The following RIT2 variants were observed in gnomAD, a reference collection of about 807,000 sequenced individuals.
RIT2 encodes GTP-binding protein Rit2.
In RIT2, 24 loss-of-function variants were observed where a neutral mutation model predicts 23.7. The ratio of observed to expected loss-of-function variants is 1.01; its 90% CI spans 0.73 to 1.43. RIT2 has a LOEUF of 1.43. RIT2 is among the 40% of genes most tolerant of loss of function. RIT2 has a pLI of 0.00. For missense variants in RIT2, 236 were observed against 266.9 expected, an observed-to-expected ratio of 0.88 and a Z score of 0.81; for synonymous variants, 107 against 91.1, an observed-to-expected ratio of 1.17 and a Z score of -0.99.
At chr18:42,782,337 G>A (rs1215525308) in intron 4 of RIT2, among the ~76,000 whole-genome samples, 1 of 151,868 alleles carries the variant, frequency 6.6e-6, no homozygotes, top group Non-Finnish European at 1.5e-5. Context: ...ATGTTATTTG[G>A]CCCTTTCTAA....
chr18:43,010,120 A>G (rs890957647), intron 2 of RIT2, among the ~76,000 whole-genome samples: 1 of 151,798 alleles, frequency 6.6e-6, no homozygotes, highest in African/African-American at 2.4e-5. Context: ...CCTTTACTAC[A>G]TAGACTAAAC....
chr18:42,948,094 C>T (rs1172247150), intron 3 of RIT2, among the ~76,000 whole-genome samples: 1 of 152,056 alleles, frequency 6.6e-6, no homozygotes, highest in Non-Finnish European at 1.5e-5. Context: ...ACCATACCTC[C>T]TACCGTTCTA....
chr18:42,873,877 A>G (rs576313376), intron 4 of RIT2, among the ~76,000 whole-genome samples: 4 of 152,312 alleles, frequency 2.6e-5, no homozygotes, highest in South Asian at 2.1e-4. Context: ...GCTACATGGC[A>G]TAGTGTAAAC....
chr18:42,984,956 G>C (rs557557113), intron 2 of RIT2, among the ~76,000 whole-genome samples: 4 of 151,918 alleles, frequency 2.6e-5, no homozygotes, highest in African/African-American at 9.6e-5. Flanking sequence ...AATGATTGAT[G>C]TGAAAAAAAA....
intron 3 of RIT2, among the ~76,000 whole-genome samples, chr18:42,936,658 A>G (rs909671830): frequency 6.6e-6 from 1 of 152,106 alleles, no homozygotes; most frequent in Non-Finnish European, 1.5e-5. Flanking sequence ...ATATATCTCT[A>G]TACTACATGT....
At chr18:42,874,966 G>T (rs1907707872) in intron 4 of RIT2, among the ~76,000 whole-genome samples, 1 of 152,094 alleles carries the variant, frequency 6.6e-6, no homozygotes, top group Non-Finnish European at 1.5e-5. Context: ...TGCACAGGCA[G>T]CATGTGGTTT....
intron 4 of RIT2, among the ~76,000 whole-genome samples, chr18:42,875,253 T>G (rs183655137): frequency 6.6e-6 from 1 of 152,180 alleles, no homozygotes; most frequent in African/African-American, 2.4e-5. Context: ...TGTTTCATTT[T>G]GTTTCAAATT....
Position 42,923,608 on chromosome 18 carries a change from C to A in RIT2, c.390G>T (p.Leu130=). ...VRHTYEIPLV[L]VGNKIDLEQF... ...GTTCCAGATCAATTTTGTTACCCAC[C>A]AGCACCAGGGGAATTTCATAGGTGT... The change falls in exon 4 of 5, where the codon CTG becomes CTT. Residue 130 remains leucine, a synonymous_variant. Transcript: ENST00000326695. 1 of 1,613,302 alleles carries A rather than the reference C, an allele frequency of 6.2e-7. No homozygotes were observed. Among genetic ancestry groups the A allele is most frequent in the South Asian group, 1.1e-5 (1 of 91,028 alleles).
chr18:42,856,326 G>C (rs1907180947), intron 4 of RIT2, among the ~76,000 whole-genome samples: 1 of 152,230 alleles, frequency 6.6e-6, no homozygotes, highest in South Asian at 2.1e-4. Flanking sequence ...AATCTAGGCA[G>C]ACATGCCTTG....
intron 1 of RIT2, among the ~76,000 whole-genome samples, chr18:43,071,674 T>C (rs1209717977): frequency 6.6e-6 from 1 of 152,208 alleles, no homozygotes; most frequent in Non-Finnish European, 1.5e-5. Flanking sequence ...TTATCCAATG[T>C]GTGCTTAAGA....
At chr18:43,110,202 G>A (rs1249942248) in intron 1 of RIT2, among the ~76,000 whole-genome samples, 1 of 151,722 alleles carries the variant, frequency 6.6e-6, no homozygotes, top group East Asian at 1.9e-4. Flanking sequence ...TTATCATTAT[G>A]TTAAGTGTAT....
chr18:43,112,029 G>T (rs772679233), intron 1 of RIT2, among the ~76,000 whole-genome samples: 29 of 151,440 alleles, frequency 1.9e-4, no homozygotes, highest in Non-Finnish European at 3.2e-4. Flanking sequence ...GAAGTATTAT[G>T]CATAGTGTTC....
chr18:42,942,125 T>C (rs1423753314), intron 3 of RIT2, among the ~76,000 whole-genome samples: 1 of 151,866 alleles, frequency 6.6e-6, no homozygotes, highest in African/African-American at 2.4e-5. Flanking sequence ...ACAGTGAATA[T>C]GTCAAACACT....
intron 3 of RIT2, among the ~76,000 whole-genome samples, chr18:42,938,403 A>G (rs1909515208): frequency 6.6e-6 from 1 of 152,150 alleles, no homozygotes; most frequent in South Asian, 2.1e-4. Flanking sequence ...ATACTATAAA[A>G]TAATTCCTTC....
intron 4 of RIT2, among the ~76,000 whole-genome samples, chr18:42,896,229 A>G (rs1908326155): frequency 6.6e-6 from 1 of 152,180 alleles, no homozygotes; most frequent in African/African-American, 2.4e-5. Context: ...GTGCCATTGC[A>G]CTCCAGCCTG....
At chr18:43,034,265 T>C (rs1422841259) in intron 1 of RIT2, among the ~76,000 whole-genome samples, 1 of 152,140 alleles carries the variant, frequency 6.6e-6, no homozygotes, top group Non-Finnish European at 1.5e-5. Flanking sequence ...CTCTAAGTTT[T>C]TCATCTTTAA....
At chr18:43,084,412 T>C (rs1913233627) in intron 1 of RIT2, among the ~76,000 whole-genome samples, 1 of 152,160 alleles carries the variant, frequency 6.6e-6, no homozygotes, top group Non-Finnish European at 1.5e-5. Context: ...TGTAAATCAT[T>C]CTACTATAAA....
At chr18:43,093,997 G>T (rs144596379) in intron 1 of RIT2, among the ~76,000 whole-genome samples, 2 of 151,898 alleles carry the variant, frequency 1.3e-5, no homozygotes, top group Non-Finnish European at 2.9e-5. Context: ...GGAGAGAGGA[G>T]CAGGGGAGCA....
chr18:42,853,724 T>C (rs1907114602), intron 4 of RIT2, among the ~76,000 whole-genome samples: 1 of 152,194 alleles, frequency 6.6e-6, no homozygotes, highest in Admixed American at 6.5e-5. Context: ...TAAAGTCCTG[T>C]GTACATGTTC....
Sources: allele counts gnomAD v4.1 joint callset (sites outside exome capture counted in the v4.1 genomes callset), GRCh38; gene constraint gnomAD v4.1.1; transcripts MANE v1.5; gene names NCBI Gene and HGNC (gene_info 2026-07-23, HGNC 2026-07-21).